KLF12: variants seen among roughly 807,000 people sequenced by gnomAD.
The protein encoded by KLF12 is Krueppel-like factor 12.
Under a neutral mutation model 37.8 loss-of-function variants are expected in KLF12, and 9 were observed. The ratio of observed to expected loss-of-function variants is 0.24; its 90% confidence interval spans 0.14 to 0.42. The LOEUF is 0.42. Among genes scored for constraint, KLF12 ranks in the 10% least tolerant of loss-of-function variants. The pLI, the probability that KLF12 is intolerant of heterozygous loss-of-function variation, is 1.00. For synonymous variants in KLF12, 208 were observed against 202.1 expected, an observed-to-expected ratio of 1.03 and a Z score of -0.25; for missense variants, 411 against 516.0, an observed-to-expected ratio of 0.80 and a Z score of 1.97.
chr13:73,767,542 T>A (rs183900945), intron 5 of KLF12, among the ~76,000 whole-genome samples: 1 of 152,332 alleles, frequency 6.6e-6, no homozygotes, highest in South Asian at 2.1e-4. Flanking sequence ...TTGAATGTGC[T>A]CTTCTGAGAC....
At chr13:73,889,705 G>A (rs1359585242) in intron 3 of KLF12, among the ~76,000 whole-genome samples, 2 of 151,946 alleles carry the variant, frequency 1.3e-5, no homozygotes, top group Non-Finnish European at 2.9e-5. Context: ...TATTTTTAAA[G>A]TATAAGCAAA....
chr13:74,103,286 C>T (rs1027230617), intron 1 of KLF12, among the ~76,000 whole-genome samples: 5 of 152,186 alleles, frequency 3.3e-5, no homozygotes, highest in African/African-American at 1.2e-4. Flanking sequence ...ATAATTAAAA[C>T]ATTTCTTAAA....
At chr13:74,007,354 C>A (rs1330536532) in intron 1 of KLF12, among the ~76,000 whole-genome samples, 2 of 151,822 alleles carry the variant, frequency 1.3e-5, no homozygotes, top group African/African-American at 4.8e-5. Context: ...CGGCTCACTG[C>A]AAGCTCCATC....
intron 3 of KLF12, among the ~76,000 whole-genome samples, chr13:73,882,472 TA>T (rs1310865288): frequency 3.9e-5 from 6 of 152,338 alleles, no homozygotes; most frequent in African/African-American, 1.4e-4. Context: ...ATTCTGAATT[TA>T]AAAGCAAGTC....
chr13:73,734,305 A>G lies in KLF12; in HGVS notation c.870-18780T>C, dbSNP rs150090377. ...CACTGTCTATTGCTTGCTTTGCTTCATATACCTTATCATTCTTAACATTAT... is the reference window on the plus strand; with the variant it reads ...CACTGTCTATTGCTTGCTTTGCTTCGTATACCTTATCATTCTTAACATTAT... On this transcript the variant is annotated intron_variant, in intron 6 of 7. Transcript: ENST00000377669. Among the ~76,000 whole-genome samples the G allele has an allele frequency of 5.9e-3, 895 of 152,172 alleles. 4 individuals carry two copies. Among genetic ancestry groups the G allele is most frequent in the Middle Eastern group, 0.024 (7 of 294 alleles).
chr13:74,243,558 T>C, the KLF12 span, among the ~76,000 whole-genome samples: 1 of 152,186 alleles, frequency 6.6e-6, no homozygotes, highest in African/African-American at 2.4e-5. Flanking sequence ...TGAGCTAATT[T>C]ACACTCTCCC....
the KLF12 span, among the ~76,000 whole-genome samples, chr13:74,208,333 G>C: frequency 6.6e-6 from 1 of 152,172 alleles, no homozygotes; most frequent in African/African-American, 2.4e-5. Context: ...CAGGCATTCA[G>C]AATGCTGCAA....
At position 73,754,869 on chromosome 13, in the gene KLF12, C is replaced by T. The variant is rs1879033206; in HGVS notation, c.869+10069G>A. Reference sequence around the variant, plus strand: ...CAAGAATTTTTGAGTATTCACAGCACATTCTCAAAATTTACCAACTTTTAC... The same window carrying T: ...CAAGAATTTTTGAGTATTCACAGCATATTCTCAAAATTTACCAACTTTTAC... On this transcript the variant is annotated intron_variant, in intron 6 of 7. Transcript: ENST00000377669. Among the ~76,000 whole-genome samples, 5 of 152,292 alleles carry T rather than the reference C, an allele frequency of 3.3e-5. No homozygotes were observed. The South Asian group carries it at 1.0e-3, about 32-fold the overall frequency.
At chr13:73,822,661 G>A (rs1883593136) in intron 4 of KLF12, among the ~76,000 whole-genome samples, 1 of 152,132 alleles carries the variant, frequency 6.6e-6, no homozygotes. Context: ...TCATGACTAA[G>A]ACTACTTTTC....
intron 7 of KLF12, among the ~76,000 whole-genome samples, chr13:73,701,712 G>A (rs1014938693): frequency 6.6e-6 from 1 of 152,014 alleles, no homozygotes; most frequent in Non-Finnish European, 1.5e-5. Flanking sequence ...GTTGGGTAAC[G>A]GGTGGCTAGC....
the KLF12 span, chr13:74,259,606 G>C: frequency 1.3e-5 from 2 of 152,078 alleles, no homozygotes; most frequent in Non-Finnish European, 2.9e-5. Context: ...CTTTCCAAAT[G>C]CCTTTTTTAA....
the KLF12 span, among the ~76,000 whole-genome samples, chr13:74,143,180 TTCTC>T: frequency 2.6e-5 from 4 of 151,932 alleles, no homozygotes; most frequent in East Asian, 1.9e-4. Context: ...TTCTTCTTTC[TTCTC>T]TCTTTCTCCC....
rs888727848 is a variant in KLF12, at chr13:73,863,587, A to C, written c.124-17214T>G. On this transcript the variant is annotated intron_variant, in intron 3 of 7. Transcript: ENST00000377669. ...TTTTATCTATTTTACTGTAGTGCTA[A>C]AACTAGAATATCCGATAGTTTGTAT... Among the ~76,000 whole-genome samples the C allele has an allele frequency of 5.3e-5, 8 of 152,130 alleles. No individual in the cohort carries two copies. The East Asian group carries it at 1.5e-3, about 29-fold the overall frequency.
chr13:74,242,265 G>A, the KLF12 span, among the ~76,000 whole-genome samples: 1 of 152,152 alleles, frequency 6.6e-6, no homozygotes, highest in South Asian at 2.1e-4. Flanking sequence ...TCATGCTGCT[G>A]ATAAAGACAT....
At chr13:73,706,097 A>G (rs772064973) in intron 7 of KLF12, among the ~76,000 whole-genome samples, 2 of 152,228 alleles carry the variant, frequency 1.3e-5, no homozygotes, top group Non-Finnish European at 2.9e-5. Flanking sequence ...GGTTGCAGTG[A>G]GCCGAGATCG....
chr13:74,164,865 GA>G, the KLF12 span, among the ~76,000 whole-genome samples: 1 of 152,124 alleles, frequency 6.6e-6, no homozygotes. Context: ...GAAAACAATT[GA>G]ACTGATGGAG....
intron 2 of KLF12, among the ~76,000 whole-genome samples, chr13:73,956,742 A>T (rs1163501826): frequency 6.6e-6 from 1 of 151,876 alleles, no homozygotes; most frequent in Non-Finnish European, 1.5e-5. Context: ...GCAACATAGC[A>T]AGACCCCATC....
chr13:74,109,272 A>G (rs544468881), intron 1 of KLF12, among the ~76,000 whole-genome samples: 1 of 152,234 alleles, frequency 6.6e-6, no homozygotes, highest in South Asian at 2.1e-4. Context: ...ATTTAAAAGT[A>G]GCTAGAAAAT....
At chr13:73,756,576 G>A (rs1287406260) in intron 6 of KLF12, among the ~76,000 whole-genome samples, 1 of 152,164 alleles carries the variant, frequency 6.6e-6, no homozygotes, top group Non-Finnish European at 1.5e-5. Flanking sequence ...AAGCGTTAAA[G>A]CTTGTCATGG....
Sources: gnomAD v4.1 joint callset for allele counts (sites outside exome capture counted in the v4.1 genomes callset) on GRCh38, gnomAD v4.1.1 for gene constraint, MANE v1.5 for transcripts, NCBI Gene and HGNC (gene_info 2026-07-23, HGNC 2026-07-21) for gene names.